FXN: variants seen among roughly 807,000 people sequenced by gnomAD.
FXN encodes the protein frataxin, mitochondrial.
FXN carries 14 observed loss-of-function variants against 22.4 expected under a neutral mutation model. The observed-to-expected ratio is 0.62, with a 90% CI of 0.41 to 0.98. FXN has a LOEUF of 0.98. FXN is among the 50% of genes least tolerant of loss of function. The pLI is 0.00. For synonymous variants in FXN, 120 were observed against 114.1 expected, an observed-to-expected ratio of 1.05 and a Z score of -0.33; for missense variants, 267 against 268.4, an observed-to-expected ratio of 0.99 and a Z score of 0.04.
At chr9:69,061,285 G>A (rs1010371500) in intron 3 of FXN, among the ~76,000 whole-genome samples, 1 of 152,146 alleles carries the variant, frequency 6.6e-6, no homozygotes, top group Non-Finnish European at 1.5e-5. Flanking sequence ...CCTTGAGCAC[G>A]CATCTGCCCC....
chr9:69,071,304 C>T (rs899780286), intron 4 of FXN: 1 of 518,770 alleles, frequency 1.9e-6, no homozygotes, highest in Non-Finnish European at 3.8e-6. Flanking sequence ...CAGGTTCAAG[C>T]CCCAGCATTT....
intron 2 of FXN, among the ~76,000 whole-genome samples, chr9:69,050,748 T>C (rs1198137411): frequency 6.6e-6 from 1 of 152,054 alleles, no homozygotes; most frequent in African/African-American, 2.4e-5. Flanking sequence ...ATCAGCAGTA[T>C]CTGAAAAGTC....
Position 69,075,129 on chromosome 9 carries a change from T to C in FXN, c.*2367T>C. 1 of 985,424 alleles carries C rather than the reference T, an allele frequency of 1.0e-6. No individual in the cohort carries two copies. The highest frequency in any genetic ancestry group is 1.7e-5 in the African/African-American group (1 of 57,326). 61.0% of individuals were successfully genotyped at this position (985,424 alleles called of 1,614,324 possible). On this transcript the variant is annotated 3_prime_UTR_variant, in exon 5 of 5. Coordinates refer to ENST00000484259, the MANE Select transcript of FXN (RefSeq NM_000144.5). ...CATATAGCTCTAATTGGTTTGATTATCTCGTTCCCAAGGCAGTGGGAGATC... is the reference window on the plus strand; with the variant it reads ...CATATAGCTCTAATTGGTTTGATTACCTCGTTCCCAAGGCAGTGGGAGATC...
rs1832309196 is a variant in FXN at position 69,073,362 on chromosome 9, G to T, written c.*600G>T. The T allele has an allele frequency of 2.1e-5, 21 of 987,810 alleles. No individual in the cohort carries two copies. Among genetic ancestry groups the T allele is most frequent in the South Asian group, 9.3e-5 (2 of 21,474 alleles). The allele number at this position is 987,810 out of a possible 1,614,324, so 61.2% of individuals were successfully genotyped here. ...TGGCCTGCACTGGGTTGTCCAGGGA[G>T]ACCTAGTGCTGTTTCTCCCACATAT... On this transcript the variant is annotated 3_prime_UTR_variant, in exon 5 of 5. Transcript: ENST00000484259.
chr9:69,043,835 C>T (rs1404599277), intron 1 of FXN, among the ~76,000 whole-genome samples: 1 of 152,184 alleles, frequency 6.6e-6, no homozygotes, highest in African/African-American at 2.4e-5. Context: ...CCACCCGCCT[C>T]CGCCTCCCAA....
chr9:69,054,599 C>T (rs1053299106), intron 3 of FXN, among the ~76,000 whole-genome samples: 1 of 151,266 alleles, frequency 6.6e-6, no homozygotes. Flanking sequence ...CTCTGCCTCT[C>T]GGGTTCAAGC....
rs1164225788 is a variant in FXN, at chr9:69,076,365, G to A, written c.*3603G>A. On this transcript the variant is annotated 3_prime_UTR_variant, in exon 5 of 5. Transcript: ENST00000484259. ...AGCATAATTTCATATTCACATTGGA[G>A]GACTTCTCCCAAAATATGGATGACG... 2.0e-6 allele frequency: 2 copies of A among 985,130 alleles called. No homozygotes were observed. The highest frequency in any genetic ancestry group is 2.4e-6 in the Non-Finnish European group (2 of 829,884). The allele number at this position is 985,130 out of a possible 1,614,324, so 61.0% of individuals were successfully genotyped here.
At chr9:69,051,027 G>A (rs1029755299) in intron 2 of FXN, among the ~76,000 whole-genome samples, 3 of 152,184 alleles carry the variant, frequency 2.0e-5, no homozygotes, top group Non-Finnish European at 2.9e-5. Context: ...TGATCCGCCC[G>A]CCTCGGCCTC....
intron 4 of FXN, among the ~76,000 whole-genome samples, chr9:69,068,467 C>G (rs1309469797): frequency 1.3e-5 from 2 of 152,190 alleles, no homozygotes; most frequent in African/African-American, 2.4e-5. Flanking sequence ...TTGTGGCCCA[C>G]AGGCCACTGG....
Position 69,035,863 on chromosome 9 carries a change from C to A in FXN, c.81C>A (p.Val27=). ...CCCAGGCCCAGACCCTCACCCGGGTCCCGCGGCCGGCAGAGTTGGCCCCAC... is the reference window on the plus strand; with the variant it reads ...CCCAGGCCCAGACCCTCACCCGGGTACCGCGGCCGGCAGAGTTGGCCCCAC... The part of the protein sequence containing the change: ...SPAQAQTLTR[V]PRPAELAPLC... Residue 27 remains valine, a synonymous_variant, in exon 1 of 5, where the codon GTC becomes GTA. Transcript: ENST00000484259. The A allele has an allele frequency of 6.7e-7, 1 of 1,497,318 alleles. No homozygotes were observed. Among genetic ancestry groups the A allele is most frequent in the Non-Finnish European group, 8.8e-7 (1 of 1,130,176 alleles). The allele number at this position is 1,497,318 out of a possible 1,614,324, so 92.8% of individuals were successfully genotyped here.
intron 4 of FXN, among the ~76,000 whole-genome samples, chr9:69,072,349 T>A (rs1832290438): frequency 6.6e-6 from 1 of 152,216 alleles, no homozygotes; most frequent in East Asian, 1.9e-4. Context: ...AAGCTGGAGA[T>A]CAAAGTGTGA....
At chr9:69,040,912 A>G (rs1831646175) in intron 1 of FXN, among the ~76,000 whole-genome samples, 1 of 152,168 alleles carries the variant, frequency 6.6e-6, no homozygotes, top group Non-Finnish European at 1.5e-5. Flanking sequence ...ATGAACCAGG[A>G]AACTGGCCCT....
In FXN at chr9:69,077,364, T is replaced by G. The variant is rs1832389586; in HGVS notation, c.*4602T>G. On this transcript the variant is annotated 3_prime_UTR_variant, in exon 5 of 5. Transcript: ENST00000484259. ...CAGAGACAGAATCCAAGCTCATATG[T>G]TCCATCTTCTCTGGCTGTATAGTTT... 1 of 985,364 alleles carries G rather than the reference T, an allele frequency of 1.0e-6. No homozygotes were observed. Among genetic ancestry groups the G allele is most frequent in the African/African-American group, 1.7e-5 (1 of 57,250 alleles). The allele number at this position is 985,364 out of a possible 1,614,324, so 61.0% of individuals were successfully genotyped here.
chr9:69,055,651 A>T lies in FXN; in HGVS notation c.384+2391A>T, dbSNP rs917563128. Among the ~76,000 whole-genome samples, 3 of 151,636 alleles carry T rather than the reference A, an allele frequency of 2.0e-5. No homozygotes were observed. In the South Asian group the frequency reaches 6.2e-4, roughly 32 times the overall value. ...TGGGATTACAGACATGTACCACAAT[A>T]CAGGGCTAAGTTTTGTATTTTTAGT... is the stretch of plus-strand genomic sequence containing the variant. On this transcript the variant is annotated intron_variant, in intron 3 of 4. Transcript: ENST00000484259.
In FXN at chr9:69,077,500, T is replaced by G. The variant is rs1343215678; in HGVS notation, c.*4738T>G. 7.1e-6 allele frequency: 7 copies of G among 985,320 alleles called. No homozygotes were observed. Among genetic ancestry groups the G allele is most frequent in the African/African-American group, 1.7e-5 (1 of 57,230 alleles). 61.0% of individuals were successfully genotyped at this position (985,320 alleles called of 1,614,324 possible). A position where few individuals can be genotyped will look rare whatever the true frequency, so the allele number is the denominator to read the frequency against. ...CAGCAGTAAAATTGGCTCTCAAAGA[T>G]TTTCTTCTCCTGTGGAAAGTCAGAC... On this transcript the variant is annotated 3_prime_UTR_variant, in exon 5 of 5. Transcript: ENST00000484259.
intron 3 of FXN, among the ~76,000 whole-genome samples, chr9:69,060,806 GTCAT>G (rs1452303172): frequency 6.6e-6 from 1 of 152,224 alleles, no homozygotes; most frequent in African/African-American, 2.4e-5. Context: ...TGACCAGTTG[GTCAT>G]TCATTCACAA....
At chr9:69,053,507 G>GGATGGATGGATGGATAGATA (rs1191286626) in intron 3 of FXN, among the ~76,000 whole-genome samples, 1 of 150,664 alleles carries the variant, frequency 6.6e-6, no homozygotes, top group African/African-American at 2.5e-5. Flanking sequence ...ATGGATGGAT[G>GGATGGATGGATGGATAGATA]GATAGATAGA....
intron 1 of FXN, among the ~76,000 whole-genome samples, chr9:69,041,313 C>T (rs1266667450): frequency 9.9e-5 from 15 of 152,204 alleles, no homozygotes; most frequent in Non-Finnish European, 1.0e-4. Flanking sequence ...TGTTTTTGTG[C>T]GTCATCTGCA....
intron 3 of FXN, among the ~76,000 whole-genome samples, chr9:69,056,010 AGTAGCTGGGACTACAGGCACATGCC>A (rs1262419602): frequency 2.0e-5 from 3 of 151,932 alleles, no homozygotes; most frequent in African/African-American, 7.3e-5. Context: ...CAGCCTCCCT[AGTAGCTGGGACTACAGGCACATGCC>A]ACCATACTCG....
Sources: allele counts gnomAD v4.1 joint callset (sites outside exome capture counted in the v4.1 genomes callset), GRCh38; gene constraint gnomAD v4.1.1; transcripts MANE v1.5; gene names NCBI Gene and HGNC (gene_info 2026-07-23, HGNC 2026-07-21).